NOX5: variants seen among roughly 807,000 people sequenced by gnomAD.
NOX5 encodes the protein NADPH oxidase 5.
Under a neutral mutation model 85.7 loss-of-function variants are expected in NOX5, and 76 were observed. That is an observed-to-expected ratio of 0.89 (90% confidence interval 0.74 to 1.07). The LOEUF (loss-of-function observed/expected upper bound fraction) is 1.07. Among genes scored for constraint, NOX5 ranks in the 50% least tolerant of loss-of-function variants. The pLI, the probability that NOX5 is intolerant of heterozygous loss-of-function variation, is 0.00. For missense variants in NOX5, 973 were observed against 999.5 expected, an observed-to-expected ratio of 0.97 and a Z score of 0.36; for synonymous variants, 405 against 401.4, an observed-to-expected ratio of 1.01 and a Z score of -0.11.
intron 2 of NOX5, 42 bp downstream of exon 2, chr15:69,026,693 T>C (rs2050362716): frequency 1.9e-6 from 3 of 1,612,744 alleles, no homozygotes; most frequent in Non-Finnish European, 2.5e-6. Context: ...TTTATCGTTA[T>C]GTGGCCTGGT....
chr15:69,052,139 G>A (rs1217856357), intron 14 of NOX5, among the ~76,000 whole-genome samples: 1 of 151,762 alleles, frequency 6.6e-6, no homozygotes, highest in Non-Finnish European at 1.5e-5. Flanking sequence ...GATCACTTGA[G>A]GCCAAGAGTT....
At chr15:69,046,164 ACTGT>A (rs1423368928) in intron 10 of NOX5, 4 of 152,268 alleles carry the variant, frequency 2.6e-5, no homozygotes, top group African/African-American at 9.7e-5. Flanking sequence ...GGGCTGTCTG[ACTGT>A]CTACCACGCT....
chr15:69,020,589 G>T (rs1371841861), intron 1 of NOX5, among the ~76,000 whole-genome samples: 2 of 151,246 alleles, frequency 1.3e-5, no homozygotes, highest in East Asian at 3.9e-4. Context: ...TAACTGCTTT[G>T]GCTAATAAGA....
intron 9 of NOX5, among the ~76,000 whole-genome samples, chr15:69,040,448 G>T (rs1229824567): frequency 6.6e-6 from 1 of 152,182 alleles, no homozygotes; most frequent in African/African-American, 2.4e-5. Flanking sequence ...CAGATGGAGA[G>T]ATTTTGTATA....
At chr15:69,048,311 T>C (rs942076427) in intron 13 of NOX5, among the ~76,000 whole-genome samples, 7 of 152,116 alleles carry the variant, frequency 4.6e-5, no homozygotes, top group Non-Finnish European at 7.4e-5. Context: ...GGCAGGCAGA[T>C]CACTTGAGCC....
chr15:69,036,017 C>T (rs535401433), intron 7 of NOX5, 81 bp downstream of exon 7: 2 of 1,570,110 alleles, frequency 1.3e-6, no homozygotes, highest in Non-Finnish European at 8.6e-7. Context: ...CTGATTTACT[C>T]CAGAGCCCAG....
chr15:69,015,709 A>G (rs2050223111), intron 1 of NOX5, among the ~76,000 whole-genome samples: 1 of 152,136 alleles, frequency 6.6e-6, no homozygotes, highest in African/African-American at 2.4e-5. Flanking sequence ...ACCACTAGTC[A>G]TTAGGTGAGT....
At chr15:69,023,236 C>T in intron 1 of NOX5, 1 of 237,874 alleles carries the variant, frequency 4.2e-6, no homozygotes, top group South Asian at 5.1e-5. Flanking sequence ...TATGTCAACT[C>T]CTCCTTCAAC....
In NOX5 at chr15:69,047,265, G is replaced by A. The variant is rs1427238673; in HGVS notation, c.1693-148G>A. 12 of 964,908 alleles carry A rather than the reference G, an allele frequency of 1.2e-5. No individual in the cohort carries two copies. The East Asian group carries it at 3.2e-4, about 26-fold the overall frequency. The allele number at this position is 964,908 out of a possible 1,614,324, so 59.8% of individuals were successfully genotyped here. Reference sequence around the variant, plus strand: ...AGCACAGGATGTGGAAAGAGCACTGGAGTGGGAGCCACTTAGACCTGGCTT... The same window carrying A: ...AGCACAGGATGTGGAAAGAGCACTGAAGTGGGAGCCACTTAGACCTGGCTT... On this transcript the variant is annotated intron_variant, in intron 11 of 15. Transcript: ENST00000388866.
intron 1 of NOX5, chr15:69,022,291 C>T: frequency 5.3e-6 from 1 of 189,462 alleles, no homozygotes; most frequent in East Asian, 1.3e-4. Context: ...AATGGCTTAC[C>T]CAAGGTGACC....
chr15:69,047,874 G>T lies in NOX5; in HGVS notation c.1862G>T (p.Trp621Leu). ...KHTCPSCQHS[W>L]IEGVQDNMKL... ...ACTTGCCCCAGCTGCCAGCACTCCT[G>T]GATCGAAGGTGTCCAAGACAACATG... Residue 621 changes from tryptophan (W) to leucine (L), a missense_variant, in exon 13 of 16, where the codon TGG becomes TTG. Coordinates refer to ENST00000388866, the MANE Select transcript of NOX5 (RefSeq NM_024505.4). 1 of 1,614,156 alleles carries T rather than the reference G, an allele frequency of 6.2e-7. No individual in the cohort carries two copies. The highest frequency in any genetic ancestry group is 8.5e-7 in the Non-Finnish European group (1 of 1,180,032).
intron 1 of NOX5, chr15:69,023,712 A>ACTAG (rs1358724531): frequency 1.6e-4 from 27 of 173,556 alleles, no homozygotes; most frequent in African/African-American, 6.5e-4. Context: ...AATGCTGTAT[A>ACTAG]ATAATCCTAA....
intron 5 of NOX5, among the ~76,000 whole-genome samples, chr15:69,033,920 C>T (rs1471986520): frequency 6.6e-6 from 1 of 152,020 alleles, no homozygotes; most frequent in Non-Finnish European, 1.5e-5. Flanking sequence ...TCTCGAACTC[C>T]TGACCTCAGG....
At chr15:69,039,784 C>G (rs1249113972) in intron 9 of NOX5, among the ~76,000 whole-genome samples, 1 of 152,182 alleles carries the variant, frequency 6.6e-6, no homozygotes, top group Non-Finnish European at 1.5e-5. Flanking sequence ...GCTCAGCTGT[C>G]CTCTGACTCT....
intron 10 of NOX5, among the ~76,000 whole-genome samples, chr15:69,043,248 G>A (rs1338358139): frequency 6.6e-6 from 1 of 152,100 alleles, no homozygotes; most frequent in African/African-American, 2.4e-5. Flanking sequence ...GCCTGGTCCA[G>A]GTGGGCCCCT....
At position 69,058,221 on chromosome 15, in the gene NOX5, G is replaced by C. The variant is rs952546209; in HGVS notation, c.*1525G>C. On this transcript the variant is annotated 3_prime_UTR_variant, in exon 16 of 16. Transcript: ENST00000388866. ...GGGTTGGAAGTCCATGGTTGCAAAG[G>C]GGGAGGTAAAGAAGCCGGATCATAA... is the stretch of plus-strand genomic sequence containing the variant. 6.6e-6 allele frequency: 1 copy of C among 152,326 alleles called. No individual in the cohort carries two copies. Among genetic ancestry groups the C allele is most frequent in the African/African-American group, 2.4e-5 (1 of 41,456 alleles). The allele number at this position is 152,326 out of a possible 1,614,324, so 9.4% of individuals were successfully genotyped here. A position where few individuals can be genotyped will look rare whatever the true frequency, so the allele number is the denominator to read the frequency against.
chr15:69,018,640 A>G (rs538856811), intron 1 of NOX5, among the ~76,000 whole-genome samples: 3 of 151,154 alleles, frequency 2.0e-5, no homozygotes, highest in African/African-American at 7.3e-5. Context: ...CTGTTGAGCC[A>G]CTTGCCTCAC....
chr15:69,022,805 A>G, intron 1 of NOX5: 1 of 238,840 alleles, frequency 4.2e-6, no homozygotes, highest in Non-Finnish European at 8.5e-6. Flanking sequence ...GGACTAATAT[A>G]GGAATGGAGC....
intron 4 of NOX5, among the ~76,000 whole-genome samples, chr15:69,032,557 C>T (rs929035723): frequency 6.6e-6 from 1 of 152,002 alleles, no homozygotes. Flanking sequence ...ATTATAGGTG[C>T]CAGCCACCAC....
Sources: allele counts gnomAD v4.1 joint callset (sites outside exome capture counted in the v4.1 genomes callset), GRCh38; gene constraint gnomAD v4.1.1; transcripts MANE v1.5; gene names NCBI Gene and HGNC (gene_info 2026-07-23, HGNC 2026-07-21).